Variants in KIFC1 observed in about 807,000 individuals in gnomAD.
The protein encoded by KIFC1 is kinesin family member C1, also known as kinesin-like protein KIFC1.
In KIFC1, 37 loss-of-function variants were observed where a neutral mutation model predicts 66.6. That is an observed-to-expected ratio of 0.56 (90% CI 0.43 to 0.73). The LOEUF is 0.73. Among genes scored for constraint, KIFC1 ranks in the 30% least tolerant of loss-of-function variants. KIFC1 has a pLI of 0.00. For synonymous variants in KIFC1, 325 were observed against 343.5 expected (o/e 0.95, Z 0.60); for missense variants, 721 against 859.8 (o/e 0.84, Z 2.02).
chr6:33,395,973 TC>T, intron 1 of KIFC1, among the ~76,000 whole-genome samples: 1 of 152,336 alleles, frequency 6.6e-6, no homozygotes, highest in African/African-American at 2.4e-5. Flanking sequence ...TCAATTTCAT[TC>T]CTTCAAAAAC....
chr6:33,399,402 A>C (rs1775263573), intron 3 of KIFC1, among the ~76,000 whole-genome samples: 2 of 152,132 alleles, frequency 1.3e-5, no homozygotes, highest in Admixed American at 1.3e-4. Flanking sequence ...GAAAATATTC[A>C]TGGAAAATAA....
chr6:33,406,255 T>C lies in KIFC1; in HGVS notation c.1596T>C (p.Asn532=), dbSNP rs767297896. ...QNRAVARTAQ[N]ERSSRSHSVF... is the part of the protein sequence containing the mutation. ...GGGCTGTGGCCCGCACAGCCCAGAA[T>C]GAACGGTCATCACGCAGCCACAGTG... The change falls in exon 8 of 11, where the codon AAT becomes AAC. Residue 532 remains asparagine (N), a synonymous_variant. Coordinates refer to ENST00000428849, the MANE Select transcript of KIFC1 (RefSeq NM_002263.4). This position sits in a 1 kb window ranked among gnomAD's most constrained non-coding sequence, Gnocchi z 4.5. 4 of 1,613,984 alleles carry C rather than the reference T, an allele frequency of 2.5e-6. No individual in the cohort carries two copies. The highest frequency in any genetic ancestry group is 3.4e-6 in the Non-Finnish European group (4 of 1,180,022).
chr6:33,392,148 G>A, intron 1 of KIFC1, 151 bp downstream of exon 1: 3 of 888,616 alleles, frequency 3.4e-6, no homozygotes, highest in Non-Finnish European at 5.1e-6. Context: ...GGAAAGGGGC[G>A]GAGGCAGGAG....
At position 33,406,800 on chromosome 6, in the gene KIFC1, G is replaced by A; in HGVS notation, c.1902G>A (p.Met634Ile). Reference sequence around the variant, plus strand: ...GGTTGGGCACATTGTCTTTTCATAGGCTCATGTTTGTGAACATTTCTCCAC... The same window carrying A: ...GGTTGGGCACATTGTCTTTTCATAGACTCATGTTTGTGAACATTTCTCCAC... ...LQNSLGGSAKMLMFVNISPLE... is the reference protein window; with the variant it reads ...LQNSLGGSAKILMFVNISPLE... Residue 634 changes from methionine to isoleucine, a missense_variant and splice_region_variant, in exon 10 of 11, where the codon ATG (methionine) becomes ATA (isoleucine). Physicochemically the swap from Met to Ile is conservative, Grantham distance 10. Transcript: ENST00000428849. The surrounding 1 kb of genome is among the most constrained non-coding windows in gnomAD (Gnocchi z 4.5). 4 of 1,614,106 alleles carry A rather than the reference G, an allele frequency of 2.5e-6. No homozygotes were observed. The highest frequency in any genetic ancestry group is 3.4e-6 in the Non-Finnish European group (4 of 1,180,004).
At chr6:33,391,676 T>A (rs1774787098), upstream of KIFC1, 1 of 571,852 alleles carries the variant, frequency 1.7e-6, no homozygotes, top group South Asian at 2.0e-5. Flanking sequence ...CTACCTCTCC[T>A]GCGCCTGCGA....
At position 33,400,357 on chromosome 6, in the gene KIFC1, C is replaced by T. The variant is rs540780432; in HGVS notation, c.250+1970C>T. The stretch of plus-strand genomic sequence containing the variant: ...AGGCACCACCTCAATCTGGGCCTGT[C>T]TGTTCTCAATGGTCAGTTTCACTGT... On this transcript the variant is annotated intron_variant, in intron 3 of 10. Transcript: ENST00000428849. The surrounding 1 kb of genome is among the most constrained non-coding windows in gnomAD (Gnocchi z 4.3). 2.4e-4 allele frequency: 389 copies of T among 1,593,690 alleles called. 2 individuals carry two copies. The Middle Eastern group carries it at 2.5e-3, about 10-fold the overall frequency.
chr6:33,396,812 G>A lies in KIFC1; in HGVS notation c.13-1217G>A, dbSNP rs1775066959. ...TTCTCCTGCCTCAGCCTCCCCAGGA[G>A]CTGGGACTACAGGCGCCTGCCACCA... is the stretch of plus-strand genomic sequence containing the variant. On this transcript the variant is annotated intron_variant, in intron 1 of 10. Transcript: ENST00000428849. Among the ~76,000 whole-genome samples the A allele has an allele frequency of 2.6e-5, 4 of 151,690 alleles. No individual in the cohort carries two copies. In the South Asian group the frequency reaches 8.3e-4, roughly 32 times the overall value.
At chr6:33,409,568 G>T in intron 10 of KIFC1, 78 bp from the exon 11 acceptor site, 2 of 1,393,068 alleles carry the variant, frequency 1.4e-6, no homozygotes, top group Non-Finnish European at 2.0e-6. Context: ...CCCTAGCATT[G>T]GAGGATGGGA....
rs1775371208 is a variant in KIFC1, at chr6:33,401,512, ATAT to A, written c.251-1797_251-1795del. Among the ~76,000 whole-genome samples, 2 of 152,098 alleles carry A rather than the reference ATAT, an allele frequency of 1.3e-5. No individual in the cohort carries two copies. The highest frequency in any genetic ancestry group is 4.1e-4 in the South Asian group (2 of 4,822). On this transcript the variant is annotated intron_variant, in intron 3 of 10. Transcript: ENST00000428849. The surrounding 1 kb of genome is among the most constrained non-coding windows in gnomAD (Gnocchi z 4.5). Reference sequence around the variant, plus strand: ...TAAGCTTAAATTTGAAAAATTTTAAATATTATTTTGCTTTTCAAACTTTTTGTT... The same window carrying A: ...TAAGCTTAAATTTGAAAAATTTTAAATATTTTGCTTTTCAAACTTTTTGTT...
At position 33,404,151 on chromosome 6, in the gene KIFC1, G is replaced by C. The variant is rs758988835; in HGVS notation, c.756+22G>C. Reference sequence around the variant, plus strand: ...GGAGGTAAGGGCCAGATTTTCACCAGATGTCAGCCCCGCTTTCCTGGCAGA... The same window carrying C: ...GGAGGTAAGGGCCAGATTTTCACCACATGTCAGCCCCGCTTTCCTGGCAGA... On this transcript the variant is annotated intron_variant, in intron 6 of 10. Coordinates refer to ENST00000428849, the MANE Select transcript of KIFC1 (RefSeq NM_002263.4). The surrounding 1 kb of genome is among the most constrained non-coding windows in gnomAD (Gnocchi z 4.0). 1 of 1,586,818 alleles carries C rather than the reference G, an allele frequency of 6.3e-7. No homozygotes were observed. Among genetic ancestry groups the C allele is most frequent in the African/African-American group, 1.3e-5 (1 of 74,298 alleles).
chr6:33,405,692 T>TG lies in KIFC1; in HGVS notation c.1536+63dup. On this transcript the variant is annotated intron_variant, in intron 7 of 10. Transcript: ENST00000428849. The surrounding 1 kb of genome is among the most constrained non-coding windows in gnomAD (Gnocchi z 5.4). Reference sequence around the variant, plus strand: ...GAGGAGTGGGCAGGGTGCCACGAGATGGAGGTAGAGGGAGAAAGGAGCAAG... The same window carrying TG: ...GAGGAGTGGGCAGGGTGCCACGAGATGGGAGGTAGAGGGAGAAAGGAGCAAG... 7.1e-7 allele frequency: 1 copy of TG among 1,412,342 alleles called. No homozygotes were observed. Among genetic ancestry groups the TG allele is most frequent in the South Asian group, 1.6e-5 (1 of 64,384 alleles). The allele number at this position is 1,412,342 out of a possible 1,614,324, so 87.5% of individuals were successfully genotyped here.
At position 33,409,887 on chromosome 6, in the gene KIFC1, A is replaced by G. The variant is rs1775866057; in HGVS notation, c.*197A>G. 3.3e-6 allele frequency: 2 copies of G among 605,256 alleles called. No individual in the cohort carries two copies. Among genetic ancestry groups the G allele is most frequent in the Non-Finnish European group, 5.8e-6 (2 of 345,788 alleles). 37.5% of individuals were successfully genotyped at this position (605,256 alleles called of 1,614,324 possible). ...TTTTTTAAATAAAGGTTTTATTAGCATTTGCCCAAGAAGGCAGATACTTTC... is the reference window on the plus strand; with the variant it reads ...TTTTTTAAATAAAGGTTTTATTAGCGTTTGCCCAAGAAGGCAGATACTTTC... On this transcript the variant is annotated 3_prime_UTR_variant, in exon 11 of 11. Coordinates refer to ENST00000428849, the MANE Select transcript of KIFC1 (RefSeq NM_002263.4).
At position 33,405,387 on chromosome 6, in the gene KIFC1, A is replaced by G. The variant is rs1412447044; in HGVS notation, c.1292A>G (p.Glu431Gly). Residue 431 changes from glutamate (E) to glycine (G), a missense_variant, in exon 7 of 11, where the codon GAG becomes GGG. Physicochemically the swap from Glu to Gly is moderately conservative, Grantham distance 98. Transcript: ENST00000428849. The surrounding 1 kb of genome is among the most constrained non-coding windows in gnomAD (Gnocchi z 5.4). ...EGGPGGDPQL[E>G]GLIPRALRHL... is the part of the protein sequence containing the mutation. ...GGGCCTGGGGGAGACCCCCAGTTGG[A>G]GGGGCTGATCCCTCGGGCCCTGCGG... 6.2e-7 allele frequency: 1 copy of G among 1,608,510 alleles called. No individual in the cohort carries two copies. Among genetic ancestry groups the G allele is most frequent in the Non-Finnish European group, 8.5e-7 (1 of 1,176,174 alleles).
Position 33,405,220 on chromosome 6 carries a change from C to G in KIFC1, c.1125C>G (p.Asp375Glu). The change falls in exon 7 of 11, where the codon GAC becomes GAG. Residue 375 changes from aspartate to glutamate, a missense_variant. Physicochemically the swap from Asp to Glu is conservative, Grantham distance 45. Transcript: ENST00000428849. This position sits in a 1 kb window ranked among gnomAD's most constrained non-coding sequence, Gnocchi z 5.4. ...APPTRHDFSF[D>E]RVFPPGSGQD... is the part of the protein sequence containing the mutation. ...CAACTCGCCATGATTTTTCCTTTGACCGGGTATTCCCACCAGGAAGTGGAC... is the reference window on the plus strand; with the variant it reads ...CAACTCGCCATGATTTTTCCTTTGAGCGGGTATTCCCACCAGGAAGTGGAC... The G allele has an allele frequency of 6.2e-7, 1 of 1,614,154 alleles. No individual in the cohort carries two copies. The highest frequency in any genetic ancestry group is 1.1e-5 in the South Asian group (1 of 91,090).
In KIFC1 at chr6:33,400,459, C is replaced by G; in HGVS notation, c.250+2072C>G. ...CTTTTTTGGAGACAGACCCAGGGGG[C>G]CGATCTTGGGGGCCAGGGCAGAAGT... On this transcript the variant is annotated intron_variant, in intron 3 of 10. Coordinates refer to ENST00000428849, the MANE Select transcript of KIFC1 (RefSeq NM_002263.4). The surrounding 1 kb of genome is among the most constrained non-coding windows in gnomAD (Gnocchi z 4.3). The G allele has an allele frequency of 6.2e-7, 1 of 1,602,838 alleles. No homozygotes were observed. Among genetic ancestry groups the G allele is most frequent in the East Asian group, 2.2e-5 (1 of 44,760 alleles).
chr6:33,398,936 T>C (rs1204104399), intron 3 of KIFC1, among the ~76,000 whole-genome samples: 2 of 152,348 alleles, frequency 1.3e-5, no homozygotes, highest in East Asian at 3.9e-4. Flanking sequence ...CAAGTAAGAC[T>C]ATACTCCCCC....
chr6:33,395,613 AAT>A (rs1774992275), intron 1 of KIFC1, among the ~76,000 whole-genome samples: 1 of 152,152 alleles, frequency 6.6e-6, no homozygotes, highest in African/African-American at 2.4e-5. Flanking sequence ...AGATGGGAAA[AAT>A]ATATATACTG....
In KIFC1 at chr6:33,406,339, C is replaced by T; in HGVS notation, c.1680C>T (p.Pro560=). 4 of 1,614,208 alleles carry T rather than the reference C, an allele frequency of 2.5e-6. No individual in the cohort carries two copies. The highest frequency in any genetic ancestry group is 2.5e-6 in the Non-Finnish European group (3 of 1,180,038). ...GCCGAGGCCTGCAGTGTGGGGCCCC[C>T]CTCAGTCTTGTGGACCTGGCCGGGA... ...HSSRGLQCGA[P]LSLVDLAGSE... is the part of the protein sequence containing the mutation. Residue 560 remains proline (P), a synonymous_variant, in exon 8 of 11, where the codon CCC becomes CCT. Transcript: ENST00000428849. The surrounding 1 kb of genome is among the most constrained non-coding windows in gnomAD (Gnocchi z 4.5).
At position 33,407,137 on chromosome 6, in the gene KIFC1, A is replaced by G. The variant is rs980738148; in HGVS notation, c.1977+262A>G. The G allele has an allele frequency of 9.2e-6, 11 of 1,192,654 alleles. No homozygotes were observed. In the Admixed American group the frequency reaches 1.3e-4, roughly 14 times the overall value. 73.9% of individuals were successfully genotyped at this position (1,192,654 alleles called of 1,614,324 possible). A position where few individuals can be genotyped will look rare whatever the true frequency, so the allele number is the denominator to read the frequency against. On this transcript the variant is annotated intron_variant, in intron 10 of 10. Transcript: ENST00000428849. ...TAAAAGGTCTAAACTGGTTGGGCGT[A>G]GTAGCTCATGCCTATAATCCGAACA...
Sources: allele counts gnomAD v4.1 joint callset (sites outside exome capture counted in the v4.1 genomes callset), GRCh38; gene constraint gnomAD v4.1.1; non-coding constraint Gnocchi (gnomAD v3.1); transcripts MANE v1.5; gene names NCBI Gene and HGNC (gene_info 2026-07-23, HGNC 2026-07-21).